The following FRMPD3 variants were observed in gnomAD, a reference collection of about 807,000 sequenced individuals.
The protein encoded by FRMPD3 is FERM and PDZ domain-containing protein 3.
FRMPD3 carries 42 observed loss-of-function variants against 97.9 expected under a neutral mutation model. That is an observed-to-expected ratio of 0.43 (90% confidence interval 0.34 to 0.55). The LOEUF (loss-of-function observed/expected upper bound fraction) is 0.55. Among genes scored for constraint, FRMPD3 ranks in the 20% least tolerant of loss-of-function variants. FRMPD3 has a pLI of 0.03. For synonymous variants in FRMPD3, 577 were observed against 581.1 expected (o/e 0.99, Z 0.10); for missense variants, 1,303 against 1,457.7 (o/e 0.89, Z 1.73).
chrX:107,525,579 T>TC lies in FRMPD3; in HGVS notation c.-7-1001dup. 3 of 558,674 alleles carry TC rather than the reference T, an allele frequency of 5.4e-6. No homozygotes were observed. The South Asian group carries it at 6.7e-5, about 12-fold the overall frequency. 46.0% of individuals were successfully genotyped at this position (558,674 alleles called of 1,213,427 possible). ...GGGCAGTAATTTCTCTTCTCCCAGT[T>TC]CCTCTGGGCTTTCAGGCCTGCTGGC... On this transcript the variant is annotated intron_variant, in intron 1 of 14. Transcript: ENST00000683843.
intron 1 of FRMPD3, among the ~76,000 whole-genome samples, chrX:107,487,630 G>A (rs1248887068): frequency 9.0e-6 from 1 of 111,434 alleles, no homozygotes; most frequent in Non-Finnish European, 1.9e-5. Flanking sequence ...AGAGTTCCAC[G>A]GAGACCAGAG....
intron 1 of FRMPD3, among the ~76,000 whole-genome samples, chrX:107,516,221 C>G (rs1043245418): frequency 9.1e-6 from 1 of 110,270 alleles, no homozygotes; most frequent in Non-Finnish European, 1.9e-5. Flanking sequence ...TTTTTTATGG[C>G]TGCATAGTAT....
At chrX:107,518,545 G>A (rs1348850348) in intron 1 of FRMPD3, among the ~76,000 whole-genome samples, 1 of 111,514 alleles carries the variant, frequency 9.0e-6, no homozygotes, top group African/African-American at 3.3e-5. Flanking sequence ...CATTAGGAAG[G>A]CTATTATAAA....
intron 1 of FRMPD3, among the ~76,000 whole-genome samples, chrX:107,460,651 C>T (rs1036344924): frequency 9.0e-6 from 1 of 111,470 alleles, no homozygotes; most frequent in Non-Finnish European, 1.9e-5. Context: ...CTGGGCCTCC[C>T]AAAGTGCTGG....
At chrX:107,514,989 A>C (rs1325591964) in intron 1 of FRMPD3, among the ~76,000 whole-genome samples, 1 of 111,971 alleles carries the variant, frequency 8.9e-6, no homozygotes, top group East Asian at 2.8e-4. Flanking sequence ...AGGAAGGCTG[A>C]GGGAAGCCTA....
In FRMPD3 at chrX:107,533,548, C is replaced by G; in HGVS notation, c.295C>G (p.Gln99Glu). The change falls in exon 4 of 15, where the codon CAG becomes GAG. Residue 99 changes from glutamine to glutamate, a missense_variant and splice_region_variant. Gln to Glu is a conservative substitution (Grantham distance 29). Transcript: ENST00000683843. ...FIVLTVLHTH[Q>E]SPKSAFISAA... ...CGTTCTTACAGTTCTGCACACTCAT[C>G]AGGTGAGTGAGCCTCTTTGCCATCT... 8.3e-7 allele frequency: 1 copy of G among 1,204,473 alleles called. No individual in the cohort carries two copies. The highest frequency in any genetic ancestry group is 3.0e-5 in the East Asian group (1 of 33,762).
At chrX:107,531,983 T>C (rs765595062) in intron 3 of FRMPD3, among the ~76,000 whole-genome samples, 1 of 112,178 alleles carries the variant, frequency 8.9e-6, no homozygotes, top group South Asian at 3.8e-4. Context: ...CCAGTATTTA[T>C]TGTTGTCCTC....
chrX:107,579,402 C>T (rs1374619961), intron 13 of FRMPD3, among the ~76,000 whole-genome samples: 2 of 112,261 alleles, frequency 1.8e-5, no homozygotes, highest in South Asian at 3.7e-4. Flanking sequence ...TCAGTAGCTT[C>T]ACCAAAGGTA....
chrX:107,505,847 A>G (rs913128061), intron 1 of FRMPD3, among the ~76,000 whole-genome samples: 1 of 112,309 alleles, frequency 8.9e-6, no homozygotes, highest in Non-Finnish European at 1.9e-5. Context: ...CATCCTTTAA[A>G]AAGGAATGGG....
At chrX:107,529,458 AC>A (rs1387409356) in intron 2 of FRMPD3, among the ~76,000 whole-genome samples, 1 of 110,669 alleles carries the variant, frequency 9.0e-6, no homozygotes, top group African/African-American at 3.3e-5. Flanking sequence ...GGTGGAGTGT[AC>A]CTGTCATCCC....
intron 8 of FRMPD3, among the ~76,000 whole-genome samples, chrX:107,556,284 G>A (rs1249963516): frequency 1.8e-5 from 2 of 110,165 alleles, no homozygotes; most frequent in Non-Finnish European, 3.8e-5. Flanking sequence ...GTTGCTCTGT[G>A]AATTTTGTAA....
At chrX:107,481,143 C>T (rs1380567146) in intron 1 of FRMPD3, among the ~76,000 whole-genome samples, 1 of 111,654 alleles carries the variant, frequency 9.0e-6, no homozygotes, top group Non-Finnish European at 1.9e-5. Flanking sequence ...AAAGGACGGA[C>T]CTGTGACTCA....
rs1016871074 is a variant in FRMPD3, at chrX:107,503,007, G to A, written c.-7-23575G>A. Among the ~76,000 whole-genome samples the A allele has an allele frequency of 1.2e-4, 13 of 111,667 alleles. 1 individual carries two copies. The highest frequency in any genetic ancestry group is 2.8e-4 in the Admixed American group (3 of 10,601). ...TGGGATGGTGGTATAGGTGCTCATGGAGGGAATGTCAGCCCTCATCCTAGG... is the reference window on the plus strand; with the variant it reads ...TGGGATGGTGGTATAGGTGCTCATGAAGGGAATGTCAGCCCTCATCCTAGG... On this transcript the variant is annotated intron_variant, in intron 1 of 14. Coordinates refer to ENST00000683843, the MANE Select transcript of FRMPD3 (RefSeq NM_001388459.1).
At chrX:107,470,544 G>A (rs1193155970) in intron 1 of FRMPD3, among the ~76,000 whole-genome samples, 1 of 112,445 alleles carries the variant, frequency 8.9e-6, no homozygotes, top group Non-Finnish European at 1.9e-5. Context: ...GCCAGCCCAA[G>A]GCAGAAGCCA....
chrX:107,595,822 T>C (rs367612880), intron 13 of FRMPD3, among the ~76,000 whole-genome samples: 1 of 107,814 alleles, frequency 9.3e-6, no homozygotes, highest in East Asian at 2.9e-4. Flanking sequence ...CCTGTAATCC[T>C]GGCTACTCGG....
At chrX:107,492,437 G>A (rs1602759648) in intron 1 of FRMPD3, among the ~76,000 whole-genome samples, 1 of 111,869 alleles carries the variant, frequency 8.9e-6, no homozygotes, top group African/African-American at 3.3e-5. Flanking sequence ...TACCCTGAGT[G>A]TGAGAGATTA....
chrX:107,480,019 C>G (rs1921302436), intron 1 of FRMPD3, among the ~76,000 whole-genome samples: 1 of 104,945 alleles, frequency 9.5e-6, no homozygotes, highest in Non-Finnish European at 1.9e-5. Context: ...AGTTCAAGAC[C>G]AAAACCCTGT....
chrX:107,502,965 T>C (rs1379074618), intron 1 of FRMPD3, among the ~76,000 whole-genome samples: 2 of 110,860 alleles, frequency 1.8e-5, no homozygotes, highest in Non-Finnish European at 3.8e-5. Context: ...AAGTAAGGAA[T>C]GTAAGATTTG....
In FRMPD3 at chrX:107,603,443, T is replaced by G. The variant is rs1924660102; in HGVS notation, c.*70T>G. The G allele has an allele frequency of 1.8e-6, 2 of 1,109,322 alleles. No homozygotes were observed. The highest frequency in any genetic ancestry group is 3.7e-5 in the African/African-American group (2 of 53,813). The allele number at this position is 1,109,322 out of a possible 1,213,427, so 91.4% of individuals were successfully genotyped here. A position where few individuals can be genotyped will look rare whatever the true frequency, so the allele number is the denominator to read the frequency against. On this transcript the variant is annotated 3_prime_UTR_variant, in exon 15 of 15. Transcript: ENST00000683843. ...GTTTGAGCTTTGTGGTCCTTGCATC[T>G]TGTGGTGAGTGTGTGTGTGTCTGCT...
Sources: allele counts gnomAD v4.1 joint callset (sites outside exome capture counted in the v4.1 genomes callset), GRCh38; gene constraint gnomAD v4.1.1; transcripts MANE v1.5; gene names NCBI Gene and HGNC (gene_info 2026-07-23, HGNC 2026-07-21).